The following ZNG1E variants were observed in gnomAD, a reference collection of about 807,000 sequenced individuals.
ZNG1E encodes zinc-regulated GTPase metalloprotein activator 1E.
the ZNG1E span, among the ~76,000 whole-genome samples, chr9:65,698,055 TG>T: frequency 4.3e-5 from 6 of 140,846 alleles, no homozygotes; most frequent in African/African-American, 1.7e-4. Flanking sequence ...GATTCTAATA[TG>T]GGGGTTTGGT....
At chr9:65,720,985 A>C in the ZNG1E span, among the ~76,000 whole-genome samples, 16 of 151,054 alleles carry the variant, frequency 1.1e-4, no homozygotes, top group Admixed American at 4.6e-4. Flanking sequence ...AAAAAAAAAA[A>C]AAAACCCAGT....
chr9:65,678,147 T>C, the ZNG1E span, among the ~76,000 whole-genome samples: 1 of 151,494 alleles, frequency 6.6e-6, no homozygotes, highest in Non-Finnish European at 1.5e-5. Flanking sequence ...AAATCTTCTC[T>C]TAGAAGATTT....
At chr9:65,716,449 C>T in the ZNG1E span, among the ~76,000 whole-genome samples, 2 of 151,478 alleles carry the variant, frequency 1.3e-5, no homozygotes, top group Admixed American at 6.6e-5. Flanking sequence ...TAGGCCACCA[C>T]ACCCAGCCTT....
chr9:65,700,055 C>T, the ZNG1E span, among the ~76,000 whole-genome samples: 1 of 149,188 alleles, frequency 6.7e-6, no homozygotes, highest in Non-Finnish European at 1.5e-5. Context: ...AATTCATTCA[C>T]ATTGAAAAGT....
At chr9:65,679,600 G>C in the ZNG1E span, 1 of 341,268 alleles carries the variant, frequency 2.9e-6, no homozygotes, top group Non-Finnish European at 5.5e-6. Context: ...CTGTCGCCAG[G>C]CTGGAGTGCA....
At chr9:65,658,834 T>A in the ZNG1E span, among the ~76,000 whole-genome samples, 1 of 149,328 alleles carries the variant, frequency 6.7e-6, no homozygotes, top group African/African-American at 2.5e-5. Flanking sequence ...GTCCTCATAC[T>A]GTCTTCCCTT....
the ZNG1E span, among the ~76,000 whole-genome samples, chr9:65,681,120 A>T: frequency 1.3e-5 from 2 of 151,562 alleles, no homozygotes; most frequent in Non-Finnish European, 2.9e-5. Context: ...TAGGGTTTTT[A>T]CTCATTGGGA....
the ZNG1E span, chr9:65,719,396 T>G: frequency 7.5e-6 from 1 of 133,530 alleles, no homozygotes; most frequent in African/African-American, 3.3e-5. Context: ...CCCCCTCCCG[T>G]CCTGTCCCCA....
chr9:65,688,135 T>A, the ZNG1E span, among the ~76,000 whole-genome samples: 1 of 151,372 alleles, frequency 6.6e-6, no homozygotes, highest in African/African-American at 2.4e-5. Context: ...TTCTCCAGTG[T>A]CTGTCCTGTT....
chr9:65,674,926 C>T, the ZNG1E span, among the ~76,000 whole-genome samples: 2 of 141,106 alleles, frequency 1.4e-5, no homozygotes, highest in African/African-American at 2.8e-5. Context: ...AATAAATTGC[C>T]GTGTAGCCAC....
the ZNG1E span, among the ~76,000 whole-genome samples, chr9:65,658,767 G>A: frequency 9.0e-6 from 1 of 110,958 alleles, no homozygotes; most frequent in Non-Finnish European, 1.8e-5. Context: ...GGTGACAGCA[G>A]TTTCGTTTTT....
At chr9:65,688,062 T>C in the ZNG1E span, among the ~76,000 whole-genome samples, 1 of 151,708 alleles carries the variant, frequency 6.6e-6, no homozygotes, top group Non-Finnish European at 1.5e-5. Context: ...TGCTTTGATG[T>C]GTCTTTTACC....
the ZNG1E span, among the ~76,000 whole-genome samples, chr9:65,688,026 C>G: frequency 6.6e-6 from 1 of 151,124 alleles, no homozygotes. Context: ...ACTGAATTTT[C>G]TTTTGTTCTT....
chr9:65,709,201 C>T, the ZNG1E span, among the ~76,000 whole-genome samples: 1 of 142,186 alleles, frequency 7.0e-6, no homozygotes, highest in Non-Finnish European at 1.5e-5. Flanking sequence ...TAATCGTTAA[C>T]ACTTCTACAC....
chr9:65,686,594 C>T, the ZNG1E span, among the ~76,000 whole-genome samples: 2 of 152,154 alleles, frequency 1.3e-5, no homozygotes, highest in Admixed American at 1.3e-4. Flanking sequence ...TGAGATTGCA[C>T]ATTGCACTCC....
At chr9:65,663,279 G>C in the ZNG1E span, among the ~76,000 whole-genome samples, 1 of 152,106 alleles carries the variant, frequency 6.6e-6, no homozygotes, top group Non-Finnish European at 1.5e-5. Flanking sequence ...AACTTATAAA[G>C]CATGTTTCTT....
the ZNG1E span, among the ~76,000 whole-genome samples, chr9:65,676,934 A>G: frequency 6.9e-6 from 1 of 144,244 alleles, no homozygotes; most frequent in African/African-American, 2.7e-5. Context: ...ATAAAATAAT[A>G]CTGTTTCCGG....
chr9:65,726,473 C>A, the ZNG1E span, among the ~76,000 whole-genome samples: 3 of 69,068 alleles, frequency 4.3e-5, no homozygotes, highest in Non-Finnish European at 6.1e-5. Context: ...AAGGTGAAGC[C>A]CAATGTAAGG....
At chr9:65,672,539 T>A in the ZNG1E span, among the ~76,000 whole-genome samples, 16 of 149,698 alleles carry the variant, frequency 1.1e-4, no homozygotes, top group Admixed American at 7.3e-4. Context: ...AGGTCAGGAG[T>A]TCAAGACCAG....
Sources: gnomAD v4.1 joint callset for allele counts (sites outside exome capture counted in the v4.1 genomes callset) on GRCh38, gnomAD v4.1.1 for gene constraint, MANE v1.5 for transcripts, NCBI Gene and HGNC (gene_info 2026-07-23, HGNC 2026-07-21) for gene names.